Variants in CTNNBL1 observed in about 807,000 individuals in gnomAD.
The protein encoded by CTNNBL1 is beta-catenin-like protein 1.
CTNNBL1 carries 31 observed loss-of-function variants against 72.7 expected under a neutral mutation model. That is an observed-to-expected ratio of 0.43 (90% CI 0.32 to 0.58). The LOEUF (loss-of-function observed/expected upper bound fraction) is 0.58, where lower values mean the gene tolerates loss of function less well. CTNNBL1 is among the 20% of genes least tolerant of loss of function. The pLI, the probability that CTNNBL1 is intolerant of heterozygous loss-of-function variation, is 0.08. For synonymous variants in CTNNBL1, 240 were observed against 267.3 expected (o/e 0.90, Z 1.00); for missense variants, 534 against 725.1 (o/e 0.74, Z 3.03).
intron 10 of CTNNBL1, among the ~76,000 whole-genome samples, chr20:37,780,499 C>T (rs2073616821): frequency 6.6e-6 from 1 of 152,022 alleles, no homozygotes; most frequent in South Asian, 2.1e-4. Flanking sequence ...TTAAGCCTGC[C>T]ACACATAGGA....
intron 5 of CTNNBL1, among the ~76,000 whole-genome samples, chr20:37,761,088 G>A (rs2073413685): frequency 6.6e-6 from 1 of 152,100 alleles, no homozygotes; most frequent in South Asian, 2.1e-4. Flanking sequence ...AAGAGAGAGT[G>A]CTCGCTTCTG....
intron 4 of CTNNBL1, chr20:37,749,888 G>A (rs2073303043): frequency 6.6e-6 from 1 of 152,106 alleles, no homozygotes; most frequent in South Asian, 2.1e-4. Flanking sequence ...ACAATTTACT[G>A]TTGTACAGCT....
At chr20:37,856,489 G>A (rs1245465153) in intron 13 of CTNNBL1, among the ~76,000 whole-genome samples, 1 of 152,108 alleles carries the variant, frequency 6.6e-6, no homozygotes, top group Non-Finnish European at 1.5e-5. Context: ...TAGAGACTGA[G>A]GAGTGGGCGG....
intron 11 of CTNNBL1, among the ~76,000 whole-genome samples, chr20:37,834,849 GC>G (rs1368537271): frequency 6.6e-6 from 1 of 152,146 alleles, no homozygotes; most frequent in Non-Finnish European, 1.5e-5. Flanking sequence ...ACAGACTCAA[GC>G]CTACTGGCAT....
intron 7 of CTNNBL1, among the ~76,000 whole-genome samples, chr20:37,769,255 T>C (rs1291964176): frequency 6.6e-6 from 1 of 152,218 alleles, no homozygotes; most frequent in East Asian, 1.9e-4. Flanking sequence ...ATCTGTACGA[T>C]AAATTCATAG....
chr20:37,824,229 A>G (rs2072138012), intron 11 of CTNNBL1, among the ~76,000 whole-genome samples: 1 of 152,234 alleles, frequency 6.6e-6, no homozygotes, highest in Non-Finnish European at 1.5e-5. Context: ...CATTACAAGG[A>G]TGTGAGTTAA....
chr20:37,836,383 G>A (rs2072254062), intron 11 of CTNNBL1, among the ~76,000 whole-genome samples: 1 of 152,112 alleles, frequency 6.6e-6, no homozygotes, highest in South Asian at 2.1e-4. Flanking sequence ...CCACCTCACT[G>A]GCCTCCCCTC....
At chr20:37,788,848 C>T (rs1366315256) in intron 10 of CTNNBL1, among the ~76,000 whole-genome samples, 1 of 152,192 alleles carries the variant, frequency 6.6e-6, no homozygotes, top group Non-Finnish European at 1.5e-5. Flanking sequence ...ATTACCTACT[C>T]GCCCTTACCT....
intron 1 of CTNNBL1, among the ~76,000 whole-genome samples, chr20:37,716,358 C>T (rs908920347): frequency 6.6e-6 from 1 of 152,140 alleles, no homozygotes; most frequent in Non-Finnish European, 1.5e-5. Flanking sequence ...TTGTAGGTGG[C>T]CAAGACGCAT....
intron 1 of CTNNBL1, among the ~76,000 whole-genome samples, chr20:37,716,008 T>TA: frequency 6.6e-6 from 1 of 152,018 alleles, no homozygotes; most frequent in South Asian, 2.1e-4. Flanking sequence ...ATTTTTTTTT[T>TA]AAAGGCAACC....
chr20:37,694,075 G>A lies in CTNNBL1; in HGVS notation c.-48G>A. 6.3e-7 allele frequency: 1 copy of A among 1,592,148 alleles called. No individual in the cohort carries two copies. Among genetic ancestry groups the A allele is most frequent in the Non-Finnish European group, 8.5e-7 (1 of 1,170,924 alleles). ...TGGAGCCGCGGCTGACGGGCCCGCG[G>A]TCTGGGCGTGAGTGCAGGGAAGTGG... On this transcript the variant is annotated 5_prime_UTR_variant, in exon 1 of 16. Coordinates refer to ENST00000361383, the MANE Select transcript of CTNNBL1 (RefSeq NM_030877.5).
intron 13 of CTNNBL1, among the ~76,000 whole-genome samples, chr20:37,843,784 C>T (rs973836108): frequency 1.3e-5 from 2 of 152,160 alleles, no homozygotes; most frequent in African/African-American, 4.8e-5. Context: ...GGTAGCTGTG[C>T]TTTTCATTCT....
At chr20:37,795,008 A>T in intron 10 of CTNNBL1, among the ~76,000 whole-genome samples, 2 of 150,106 alleles carry the variant, frequency 1.3e-5, no homozygotes, top group Non-Finnish European at 1.5e-5. Context: ...TGTCTTTAGG[A>T]TATTCTCTTT....
chr20:37,704,801 C>G (rs1382854477), intron 1 of CTNNBL1, among the ~76,000 whole-genome samples: 1 of 151,968 alleles, frequency 6.6e-6, no homozygotes, highest in Non-Finnish European at 1.5e-5. Context: ...TGGTGAGATC[C>G]AACAGAGGCC....
chr20:37,760,516 G>C (rs1394401670), intron 5 of CTNNBL1, among the ~76,000 whole-genome samples: 1 of 152,230 alleles, frequency 6.6e-6, no homozygotes, highest in East Asian at 1.9e-4. Flanking sequence ...ATAGATGTCT[G>C]TTTATAAGTT....
chr20:37,864,551 C>T (rs1003385403), intron 15 of CTNNBL1, among the ~76,000 whole-genome samples: 1 of 152,146 alleles, frequency 6.6e-6, no homozygotes, highest in African/African-American at 2.4e-5. Context: ...TGGCTCATTA[C>T]AGCCCCTGTC....
intron 13 of CTNNBL1, among the ~76,000 whole-genome samples, chr20:37,855,733 T>C (rs771726291): frequency 1.8e-4 from 27 of 152,350 alleles, no homozygotes; most frequent in Non-Finnish European, 3.4e-4. Flanking sequence ...TGCACAGTGC[T>C]GGCTGACACT....
chr20:37,721,703 A>T (rs1268009561), intron 1 of CTNNBL1, among the ~76,000 whole-genome samples: 2 of 152,218 alleles, frequency 1.3e-5, no homozygotes, highest in African/African-American at 4.8e-5. Flanking sequence ...AGCAATCAGT[A>T]TCCTGAATTT....
chr20:37,850,209 C>T (rs138913125), intron 13 of CTNNBL1, among the ~76,000 whole-genome samples: 21 of 151,072 alleles, frequency 1.4e-4, no homozygotes, highest in Admixed American at 2.6e-4. Flanking sequence ...TTTTTTTTAG[C>T]GGGGGATGTA....
Sources: gnomAD v4.1 joint callset for allele counts (sites outside exome capture counted in the v4.1 genomes callset) on GRCh38, gnomAD v4.1.1 for gene constraint, MANE v1.5 for transcripts, NCBI Gene and HGNC (gene_info 2026-07-23, HGNC 2026-07-21) for gene names.